Variants in PTPRN2 observed in about 807,000 individuals in gnomAD.
PTPRN2 encodes the protein receptor-type tyrosine-protein phosphatase N2.
Under a neutral mutation model 118.8 loss-of-function variants are expected in PTPRN2, and 74 were observed. The ratio of observed to expected loss-of-function variants is 0.62; its 90% CI spans 0.52 to 0.76. The LOEUF (loss-of-function observed/expected upper bound fraction) is 0.76. Among genes scored for constraint, PTPRN2 ranks in the 30% least tolerant of loss-of-function variants. PTPRN2 has a pLI of 0.00. For synonymous variants in PTPRN2, 641 were observed against 608.0 expected (o/e 1.05, Z -0.80); for missense variants, 1,481 against 1,394.4 (o/e 1.06, Z -0.99).
At chr7:157,832,267 G>T (rs927966140) in intron 12 of PTPRN2, among the ~76,000 whole-genome samples, 2 of 152,178 alleles carry the variant, frequency 1.3e-5, no homozygotes, top group African/African-American at 4.8e-5. Flanking sequence ...ATTTCAGACC[G>T]ATCAGAGGCG....
chr7:158,504,170 G>A (rs1822576315), intron 1 of PTPRN2, among the ~76,000 whole-genome samples: 1 of 151,944 alleles, frequency 6.6e-6, no homozygotes, highest in African/African-American at 2.4e-5. Context: ...AAAGACCTGG[G>A]GTCATACTGT....
Position 157,986,815 on chromosome 7 carries a change from C to A in PTPRN2, c.1724-88078G>T, listed in dbSNP as rs973380580. ...GAGGAGACATTTTGGAGCAGGTGGT[C>A]GGTGCCCACCCACTGACAGGAGCTG... On this transcript the variant is annotated intron_variant, in intron 11 of 22. Transcript: ENST00000389418. This position sits in a 1 kb window ranked among gnomAD's most constrained non-coding sequence, Gnocchi z 4.5. 1.3e-5 allele frequency among the ~76,000 whole-genome samples: 2 copies of A among 152,068 alleles called. No individual in the cohort carries two copies. Among genetic ancestry groups the A allele is most frequent in the Non-Finnish European group, 2.9e-5 (2 of 68,000 alleles).
At chr7:157,896,589 C>T (rs999743309) in intron 12 of PTPRN2, among the ~76,000 whole-genome samples, 5 of 149,810 alleles carry the variant, frequency 3.3e-5, no homozygotes, top group African/African-American at 1.2e-4. Context: ...GAAGGAGCTC[C>T]GTTGTGAGTG....
chr7:158,283,781 GCC>G (rs1398971536), intron 3 of PTPRN2, among the ~76,000 whole-genome samples: 2 of 152,016 alleles, frequency 1.3e-5, no homozygotes, highest in African/African-American at 4.8e-5. Context: ...AAAGCCACCA[GCC>G]CCTCCCTAAT....
intron 2 of PTPRN2, among the ~76,000 whole-genome samples, chr7:158,323,823 T>C (rs990453715): frequency 1.3e-5 from 2 of 152,148 alleles, no homozygotes; most frequent in African/African-American, 4.8e-5. Flanking sequence ...CCCTCCAACC[T>C]TACACCACAC....
chr7:158,555,460 C>T lies in PTPRN2; in HGVS notation c.112+32098G>A, dbSNP rs1052762994. ...TGAAACCTCCCAACACTGACGTCAC[C>T]GGGGTGGGGCAGGAGCAGGAAGAGG... On this transcript the variant is annotated intron_variant, in intron 1 of 22. Coordinates refer to ENST00000389418, the MANE Select transcript of PTPRN2 (RefSeq NM_002847.5). This position sits in a 1 kb window ranked among gnomAD's most constrained non-coding sequence, Gnocchi z 4.7. 1.3e-5 allele frequency among the ~76,000 whole-genome samples: 2 copies of T among 152,214 alleles called. No individual in the cohort carries two copies. The highest frequency in any genetic ancestry group is 1.9e-4 in the East Asian group (1 of 5,184).
At chr7:158,111,238 G>A (rs1421358486) in intron 9 of PTPRN2, among the ~76,000 whole-genome samples, 1 of 152,228 alleles carries the variant, frequency 6.6e-6, no homozygotes, top group Non-Finnish European at 1.5e-5. Flanking sequence ...CTCTGACTGA[G>A]GATGGGGCGG....
rs946953994 is a variant in PTPRN2, at chr7:158,509,584, A to C, written c.113-19799T>G. Among the ~76,000 whole-genome samples, 2 of 152,220 alleles carry C rather than the reference A, an allele frequency of 1.3e-5. No homozygotes were observed. Among genetic ancestry groups the C allele is most frequent in the African/African-American group, 4.8e-5 (2 of 41,454 alleles). ...AGCAGCCAAAATCAGAATAGCACAG[A>C]TGCGTAGTCACCCCAAAGCCCATCT... On this transcript the variant is annotated intron_variant, in intron 1 of 22. Coordinates refer to ENST00000389418, the MANE Select transcript of PTPRN2 (RefSeq NM_002847.5). This position sits in a 1 kb window ranked among gnomAD's most constrained non-coding sequence, Gnocchi z 4.4.
intron 5 of PTPRN2, among the ~76,000 whole-genome samples, chr7:158,167,678 CCT>C (rs1408901812): frequency 6.6e-6 from 1 of 152,238 alleles, no homozygotes; most frequent in Non-Finnish European, 1.5e-5. Context: ...TCCCTCCCAC[CCT>C]GACACTGCTC....
chr7:157,650,326 G>GTACC (rs1222196157), intron 14 of PTPRN2, among the ~76,000 whole-genome samples: 1 of 152,242 alleles, frequency 6.6e-6, no homozygotes, highest in African/African-American at 2.4e-5. Context: ...GGGGGACTAT[G>GTACC]TACCCCTCCA....
chr7:158,536,961 A>AC (rs1411467889), intron 1 of PTPRN2, among the ~76,000 whole-genome samples: 6 of 152,170 alleles, frequency 3.9e-5, no homozygotes, highest in Admixed American at 3.9e-4. Flanking sequence ...CAAAACTCCT[A>AC]CGTGATGGTG....
intron 12 of PTPRN2, among the ~76,000 whole-genome samples, chr7:157,748,162 G>T (rs950025532): frequency 6.7e-6 from 1 of 149,828 alleles, no homozygotes; most frequent in African/African-American, 2.5e-5. Flanking sequence ...TCTCTGAGCT[G>T]TAGGGTGTCT....
rs1178354224 is a variant in PTPRN2, at chr7:158,347,349, ACT to A, written c.164-30419_164-30418del. ...TTTTCTGGCACCATTTATTGAAGAC[ACT>A]GTCCTTTTCCCATTATGTGTTCTTG... On this transcript the variant is annotated intron_variant, in intron 2 of 22. Transcript: ENST00000389418. Among the ~76,000 whole-genome samples, 6 of 152,340 alleles carry A rather than the reference ACT, an allele frequency of 3.9e-5. No individual in the cohort carries two copies. In the East Asian group the frequency reaches 1.2e-3, roughly 29 times the overall value.
At chr7:158,134,848 T>C (rs1818674171) in intron 8 of PTPRN2, among the ~76,000 whole-genome samples, 1 of 152,236 alleles carries the variant, frequency 6.6e-6, no homozygotes, top group Non-Finnish European at 1.5e-5. Context: ...GAGTTTCACC[T>C]TTAATTTGTA....
At chr7:157,762,272 C>A (rs1222678313) in intron 12 of PTPRN2, among the ~76,000 whole-genome samples, 1 of 152,070 alleles carries the variant, frequency 6.6e-6, no homozygotes, top group African/African-American at 2.4e-5. Flanking sequence ...ATAAATCATG[C>A]TGCTATAAAG....
intron 12 of PTPRN2, among the ~76,000 whole-genome samples, chr7:157,737,273 G>A (rs1050855229): frequency 1.3e-5 from 2 of 152,242 alleles, no homozygotes; most frequent in Non-Finnish European, 2.9e-5. Flanking sequence ...GCCCAAGCTC[G>A]CCCCAGACTG....
At chr7:158,390,648 G>T (rs73178203) in intron 2 of PTPRN2, among the ~76,000 whole-genome samples, 5,906 of 152,294 alleles carry the variant, frequency 0.039, 222 homozygotes, top group Admixed American at 0.069. Flanking sequence ...CATGCCAACT[G>T]CTGTCCACTG....
At chr7:157,792,403 C>T (rs1804566532) in intron 12 of PTPRN2, among the ~76,000 whole-genome samples, 2 of 152,204 alleles carry the variant, frequency 1.3e-5, no homozygotes, top group South Asian at 4.1e-4. Context: ...GTGGCTCTGG[C>T]GGACATTAGC....
intron 12 of PTPRN2, among the ~76,000 whole-genome samples, chr7:157,797,961 A>T (rs1313644636): frequency 6.6e-6 from 1 of 152,088 alleles, no homozygotes; most frequent in Non-Finnish European, 1.5e-5. Flanking sequence ...ACATTTCTTT[A>T]ACGATTATTT....
Sources: gnomAD v4.1 joint callset for allele counts (sites outside exome capture counted in the v4.1 genomes callset) on GRCh38, gnomAD v4.1.1 for gene constraint, Gnocchi (gnomAD v3.1) non-coding constraint, MANE v1.5 for transcripts, NCBI Gene and HGNC (gene_info 2026-07-23, HGNC 2026-07-21) for gene names.